Variants in MARCHF6 observed in about 807,000 individuals in gnomAD.
MARCHF6 encodes E3 ubiquitin-protein ligase MARCHF6.
Under a neutral mutation model 133.7 loss-of-function variants are expected in MARCHF6, and 31 were observed. The observed-to-expected ratio is 0.23, with a 90% CI of 0.17 to 0.31. The LOEUF (loss-of-function observed/expected upper bound fraction) is 0.31, where lower values mean the gene tolerates loss of function less well. MARCHF6 is among the 10% of genes least tolerant of loss of function. The pLI, the probability that MARCHF6 is intolerant of heterozygous loss-of-function variation, is 1.00. For missense variants in MARCHF6, 723 were observed against 1,121.6 expected (o/e 0.64, Z 5.08); for synonymous variants, 395 against 402.5 (o/e 0.98, Z 0.22).
In MARCHF6 at chr5:10,440,291, C is replaced by CAAAT. The variant is rs1196026388; in HGVS notation, c.*6607_*6608insAAAT. On this transcript the variant is annotated 3_prime_UTR_variant, in exon 26 of 26. Coordinates refer to ENST00000274140, the MANE Select transcript of MARCHF6 (RefSeq NM_005885.4). The stretch of plus-strand genomic sequence containing the variant: ...CAAAATAAAACCTGAAATCCCTGTC[C>CAAAT]TATTTCCCAGAGGTAACTGCTGTTA... 1.3e-5 allele frequency: 2 copies of CAAAT among 152,158 alleles called. No homozygotes were observed. Among genetic ancestry groups the CAAAT allele is most frequent in the Admixed American group, 6.5e-5 (1 of 15,282 alleles). The allele number at this position is 152,158 out of a possible 1,614,324, so 9.4% of individuals were successfully genotyped here.
rs1737854411 is a variant in MARCHF6, at chr5:10,391,660, A to C, written c.695A>C (p.Glu232Ala). Residue 232 changes from glutamate (E) to alanine (A), a missense_variant, in exon 7 of 26, where the codon GAG (glutamate) becomes GCG (alanine). Transcript: ENST00000274140. ...GCCCAGGATGACCAGGCAGAAGAGGAGGAGGAGGACAATGAGGAGGAAGAT... is the reference window on the plus strand; with the variant it reads ...GCCCAGGATGACCAGGCAGAAGAGGCGGAGGAGGACAATGAGGAGGAAGAT... ...PDAQDDQAEE[E>A]EEDNEEEDDA... 1 of 1,610,524 alleles carries C rather than the reference A, an allele frequency of 6.2e-7. No individual in the cohort carries two copies. The highest frequency in any genetic ancestry group is 1.7e-5 in the Admixed American group (1 of 59,278).
intron 25 of MARCHF6, among the ~76,000 whole-genome samples, chr5:10,430,329 C>T (rs369535935): frequency 1.4e-3 from 163 of 118,728 alleles, no homozygotes; most frequent in African/African-American, 4.8e-3. Flanking sequence ...TTTTTTGAGA[C>T]GGAGTCTCGC....
rs1454464524 is a variant in MARCHF6, at chr5:10,434,579, A to G, written c.*895A>G. ...GGCCGAAAGTCCTGCAAGGTCATAAATCTTTCAGAGTGACATCACCAACTG... is the reference window on the plus strand; with the variant it reads ...GGCCGAAAGTCCTGCAAGGTCATAAGTCTTTCAGAGTGACATCACCAACTG... On this transcript the variant is annotated 3_prime_UTR_variant, in exon 26 of 26. Transcript: ENST00000274140. 1.3e-5 allele frequency: 2 copies of G among 151,342 alleles called. No individual in the cohort carries two copies. Among genetic ancestry groups the G allele is most frequent in the East Asian group, 3.9e-4 (2 of 5,142 alleles). 9.4% of individuals were successfully genotyped at this position (151,342 alleles called of 1,614,324 possible).
chr5:10,433,510 T>G, intron 25 of MARCHF6, 84 bp from the exon 26 acceptor site: 1 of 1,039,218 alleles, frequency 9.6e-7, no homozygotes. Context: ...GAGTTTTAAG[T>G]AGGAGTTAGA....
chr5:10,396,304 A>G (rs1738186370), intron 9 of MARCHF6, among the ~76,000 whole-genome samples: 1 of 152,174 alleles, frequency 6.6e-6, no homozygotes, highest in Non-Finnish European at 1.5e-5. Context: ...GGGGCACAAA[A>G]GAGGGTTTGA....
At chr5:10,379,546 C>T (rs942472134) in intron 3 of MARCHF6, among the ~76,000 whole-genome samples, 8 of 151,964 alleles carry the variant, frequency 5.3e-5, no homozygotes, top group South Asian at 2.1e-4. Context: ...CTGCAAGCTC[C>T]GCCTCCCGGG....
intron 19 of MARCHF6, chr5:10,413,274 G>A (rs556889247): frequency 2.6e-5 from 4 of 152,264 alleles, no homozygotes; most frequent in Middle Eastern, 3.4e-3. Flanking sequence ...CCTCTCCGCA[G>A]ACAAAAAAGG....
chr5:10,431,633 GTGTGTGTGTGTGTGTGTGAGAGTGTA>G (rs1740369987), intron 25 of MARCHF6, among the ~76,000 whole-genome samples: 2 of 149,866 alleles, frequency 1.3e-5, no homozygotes, highest in Non-Finnish European at 3.0e-5. Context: ...GTGAGTGTGT[GTGTGTGTGTGTGTGTGTGAGAGTGTA>G]TGTGTGTGTG....
chr5:10,423,024 T>G (rs1324876157), intron 22 of MARCHF6, among the ~76,000 whole-genome samples: 1 of 152,046 alleles, frequency 6.6e-6, no homozygotes, highest in African/African-American at 2.4e-5. Context: ...AATACCGTTT[T>G]TTGTTGTTGT....
rs780102333 is a variant in MARCHF6 at position 10,426,561 on chromosome 5, T to C, written c.2506+39T>C. Reference sequence around the variant, plus strand: ...GTTGTGGAGCCTTGAAGGAGCACTTTTATTAACATTGGACATTCTCTTTAC... The same window carrying C: ...GTTGTGGAGCCTTGAAGGAGCACTTCTATTAACATTGGACATTCTCTTTAC... On this transcript the variant is annotated intron_variant, in intron 24 of 25. Coordinates refer to ENST00000274140, the MANE Select transcript of MARCHF6 (RefSeq NM_005885.4). 4 of 1,607,598 alleles carry C rather than the reference T, an allele frequency of 2.5e-6. No homozygotes were observed. In the East Asian group the frequency reaches 6.7e-5, roughly 27 times the overall value.
chr5:10,384,120 T>A (rs1239603492), intron 4 of MARCHF6, among the ~76,000 whole-genome samples: 1 of 152,134 alleles, frequency 6.6e-6, no homozygotes, highest in African/African-American at 2.4e-5. Context: ...AAGAATCATA[T>A]CATTACCTCA....
At chr5:10,431,204 C>CA (rs1383345506) in intron 25 of MARCHF6, among the ~76,000 whole-genome samples, 1 of 152,168 alleles carries the variant, frequency 6.6e-6, no homozygotes, top group Non-Finnish European at 1.5e-5. Flanking sequence ...CTTAGGCAGT[C>CA]AGAGTACAAA....
chr5:10,394,642 G>A (rs1034774489), intron 8 of MARCHF6, 111 bp from the exon 9 acceptor site: 14 of 755,722 alleles, frequency 1.9e-5, no homozygotes, highest in South Asian at 4.9e-5. Flanking sequence ...TATAGGAAGT[G>A]GGTGAGGACT....
intron 19 of MARCHF6, among the ~76,000 whole-genome samples, chr5:10,412,968 G>A (rs184635663): frequency 6.6e-6 from 1 of 152,198 alleles, no homozygotes; most frequent in Admixed American, 6.5e-5. Flanking sequence ...GGGATAAGGT[G>A]GGGAAGAGGT....
At chr5:10,356,846 A>G (rs575666377) in intron 1 of MARCHF6, among the ~76,000 whole-genome samples, 2 of 152,292 alleles carry the variant, frequency 1.3e-5, no homozygotes, top group Middle Eastern at 3.4e-3. Flanking sequence ...TGATAGTCTG[A>G]TGCTCAGAAT....
intron 18 of MARCHF6, among the ~76,000 whole-genome samples, 167 bp downstream of exon 18, chr5:10,410,443 T>G (rs1331626815): frequency 6.6e-6 from 1 of 152,228 alleles, no homozygotes; most frequent in African/African-American, 2.4e-5. Context: ...GAAATTTTTT[T>G]TTCTTATTGT....
intron 19 of MARCHF6, chr5:10,413,251 C>T (rs1739330054): frequency 6.6e-6 from 1 of 152,244 alleles, no homozygotes; most frequent in African/African-American, 2.4e-5. Flanking sequence ...TTGGTCTTTA[C>T]TCAGCTCTCT....
intron 5 of MARCHF6, among the ~76,000 whole-genome samples, chr5:10,389,100 C>T (rs1162675594): frequency 6.6e-6 from 1 of 151,950 alleles, no homozygotes; most frequent in African/African-American, 2.4e-5. Context: ...TGACCCTTCT[C>T]AGGTTTTCTA....
At chr5:10,356,289 A>C (rs1735453606) in intron 1 of MARCHF6, among the ~76,000 whole-genome samples, 2 of 151,692 alleles carry the variant, frequency 1.3e-5, no homozygotes, top group African/African-American at 4.8e-5. Flanking sequence ...AATTAAAAAA[A>C]AATCAGTATC....
Sources: allele counts gnomAD v4.1 joint callset (sites outside exome capture counted in the v4.1 genomes callset), GRCh38; gene constraint gnomAD v4.1.1; transcripts MANE v1.5; gene names NCBI Gene and HGNC (gene_info 2026-07-23, HGNC 2026-07-21).